The following PPP2R5A variants were observed in gnomAD, a reference collection of about 807,000 sequenced individuals.
The protein encoded by PPP2R5A is serine/threonine-protein phosphatase 2A 56 kDa regulatory subunit alpha isoform.
Under a neutral mutation model 64.2 loss-of-function variants are expected in PPP2R5A, and 25 were observed. The observed-to-expected ratio is 0.39, with a 90% CI of 0.28 to 0.54. The LOEUF (loss-of-function observed/expected upper bound fraction) is 0.54. Ranked by LOEUF, PPP2R5A falls within the 20% of genes least tolerant of loss-of-function variation. The probability of loss-of-function intolerance (pLI) is 0.67; values close to 1 mark genes in which losing one functional copy is unlikely to be tolerated. For synonymous variants in PPP2R5A, 198 were observed against 201.2 expected (o/e 0.98, Z 0.13); for missense variants, 425 against 576.3 (o/e 0.74, Z 2.69).
At chr1:212,357,392 C>A in intron 11 of PPP2R5A, 108 bp downstream of exon 11, 2 of 1,071,610 alleles carry the variant, frequency 1.9e-6, no homozygotes, top group Non-Finnish European at 2.6e-6. Context: ...TTGGAAGTTA[C>A]TCCAAGGTTA....
chr1:212,353,927 G>A lies in PPP2R5A; in HGVS notation c.928-2699G>A, dbSNP rs577274341. Reference sequence around the variant, plus strand: ...GGGCCGGGCGCTGTGGCTCAAGCCTGTAATCCTAGCACTTTGAGAGGCCGA... The same window carrying A: ...GGGCCGGGCGCTGTGGCTCAAGCCTATAATCCTAGCACTTTGAGAGGCCGA... On this transcript the variant is annotated intron_variant, in intron 8 of 12. Coordinates refer to ENST00000261461, the MANE Select transcript of PPP2R5A (RefSeq NM_006243.4). Among the ~76,000 whole-genome samples the A allele has an allele frequency of 1.6e-4, 24 of 152,308 alleles. No homozygotes were observed. In the East Asian group the frequency reaches 4.1e-3, roughly 26 times the overall value.
chr1:212,349,156 A>G lies in PPP2R5A; in HGVS notation c.874-33A>G, dbSNP rs766746225. ...ATCCTACATTATTAAATGTTATCTC[A>G]CTAATATTTATAAACTGTCCCTTAC... On this transcript the variant is annotated intron_variant, in intron 7 of 12. Transcript: ENST00000261461. The G allele has an allele frequency of 7.0e-5, 98 of 1,390,188 alleles. No individual in the cohort carries two copies. In the East Asian group the frequency reaches 2.3e-3, roughly 33 times the overall value. 86.1% of individuals were successfully genotyped at this position (1,390,188 alleles called of 1,614,324 possible). A position where few individuals can be genotyped will look rare whatever the true frequency, so the allele number is the denominator to read the frequency against.
At chr1:212,351,113 AC>A (rs59424512) in intron 8 of PPP2R5A, among the ~76,000 whole-genome samples, 39,391 of 143,524 alleles carry the variant, frequency 0.27, 5,934 homozygotes, top group Non-Finnish European at 0.35. Flanking sequence ...AAAAAAAAAA[AC>A]AAAAAAACAA....
At chr1:212,344,335 A>T (rs2102442102) in intron 4 of PPP2R5A, among the ~76,000 whole-genome samples, 1 of 152,206 alleles carries the variant, frequency 6.6e-6, no homozygotes, top group Middle Eastern at 3.4e-3. Flanking sequence ...AAATTCTCAT[A>T]CTCCGTAGAT....
chr1:212,347,892 A>T (rs1659811653), intron 6 of PPP2R5A, among the ~76,000 whole-genome samples: 1 of 152,092 alleles, frequency 6.6e-6, no homozygotes, highest in South Asian at 2.1e-4. Flanking sequence ...TGCCTTCCTT[A>T]TTCACTACGT....
chr1:212,339,992 T>TAAA (rs67654928), intron 3 of PPP2R5A, among the ~76,000 whole-genome samples: 3,576 of 72,482 alleles, frequency 0.049, 352 homozygotes, highest in East Asian at 0.087. Flanking sequence ...ACATGCTGCT[T>TAAA]AAAAAAAAAA....
At chr1:212,288,427 AAAG>A (rs759610840) in intron 1 of PPP2R5A, among the ~76,000 whole-genome samples, 2 of 152,244 alleles carry the variant, frequency 1.3e-5, no homozygotes, top group Non-Finnish European at 2.9e-5. Context: ...GGTCACTAGT[AAAG>A]AAGAAAGTAA....
rs574183102 is a variant in PPP2R5A at position 212,335,854 on chromosome 1, C to G, written c.480+2256C>G. 7.2e-5 allele frequency among the ~76,000 whole-genome samples: 11 copies of G among 152,192 alleles called. No individual in the cohort carries two copies. In the East Asian group the frequency reaches 2.1e-3, roughly 29 times the overall value. On this transcript the variant is annotated intron_variant, in intron 3 of 12. Transcript: ENST00000261461. Reference sequence around the variant, plus strand: ...GCTGATAATGAAAAATTCTCATTAGCTGATTTTTTAATCAGATGTAGTTGA... The same window carrying G: ...GCTGATAATGAAAAATTCTCATTAGGTGATTTTTTAATCAGATGTAGTTGA...
chr1:212,305,650 T>A (rs1291804688), intron 1 of PPP2R5A, among the ~76,000 whole-genome samples: 1 of 152,186 alleles, frequency 6.6e-6, no homozygotes, highest in Non-Finnish European at 1.5e-5. Context: ...TGTTGAAGGC[T>A]TCAACTATCA....
intron 8 of PPP2R5A, among the ~76,000 whole-genome samples, chr1:212,351,886 A>G (rs1396871301): frequency 6.6e-6 from 1 of 152,076 alleles, no homozygotes; most frequent in Admixed American, 6.5e-5. Flanking sequence ...GCATTTTTAT[A>G]AAACAAGCAA....
At chr1:212,309,338 G>C (rs1305891669) in intron 1 of PPP2R5A, 7 of 1,532,464 alleles carry the variant, frequency 4.6e-6, no homozygotes, top group Non-Finnish European at 6.3e-6. Context: ...CTCTTCCGAG[G>C]ATATTTGGGC....
chr1:212,310,506 C>A (rs1484486061), intron 1 of PPP2R5A, among the ~76,000 whole-genome samples: 1 of 152,136 alleles, frequency 6.6e-6, no homozygotes, highest in Non-Finnish European at 1.5e-5. Context: ...TACTTCTCCC[C>A]CATCCCCCAC....
chr1:212,352,146 C>T (rs1659896253), intron 8 of PPP2R5A, among the ~76,000 whole-genome samples: 1 of 151,762 alleles, frequency 6.6e-6, no homozygotes, highest in Admixed American at 6.6e-5. Context: ...TCCTTAGCCT[C>T]CTGAGTAGCT....
In PPP2R5A at chr1:212,291,272, G is replaced by A. The variant is rs79659293; in HGVS notation, c.181+4981G>A. Among the ~76,000 whole-genome samples, 559 of 152,162 alleles carry A rather than the reference G, an allele frequency of 3.7e-3. 4 individuals are homozygous for A. The highest frequency in any genetic ancestry group is 0.013 in the African/African-American group (538 of 41,514). On this transcript the variant is annotated intron_variant, in intron 1 of 12. Transcript: ENST00000261461. ...TTTTTGTATTTTTAGGAGAGATAGGGGTTTTGCCATGGCTGGTCAGGCTGG... is the reference window on the plus strand; with the variant it reads ...TTTTTGTATTTTTAGGAGAGATAGGAGTTTTGCCATGGCTGGTCAGGCTGG...
At chr1:212,293,140 T>A (rs1040824387) in intron 1 of PPP2R5A, among the ~76,000 whole-genome samples, 1 of 152,188 alleles carries the variant, frequency 6.6e-6, no homozygotes, top group African/African-American at 2.4e-5. Flanking sequence ...GAATTCTGGG[T>A]CCTTAATATC....
chr1:212,287,021 T>C (rs1188893770), intron 1 of PPP2R5A, among the ~76,000 whole-genome samples: 2 of 152,224 alleles, frequency 1.3e-5, no homozygotes, highest in Non-Finnish European at 1.5e-5. Flanking sequence ...TAGTGTTGCT[T>C]TGCAGTCGAA....
chr1:212,287,129 G>C (rs560424427), intron 1 of PPP2R5A, among the ~76,000 whole-genome samples: 28 of 152,236 alleles, frequency 1.8e-4, no homozygotes, highest in Admixed American at 6.5e-4. Flanking sequence ...AGGAGAACTT[G>C]GCACTCTTTT....
At chr1:212,349,782 T>TA (rs1659844288) in intron 8 of PPP2R5A, among the ~76,000 whole-genome samples, 1 of 152,206 alleles carries the variant, frequency 6.6e-6, no homozygotes, top group South Asian at 2.1e-4. Context: ...ATTCTACTGT[T>TA]ATTTGCCTCT....
chr1:212,314,209 A>G (rs1334886974), intron 1 of PPP2R5A, among the ~76,000 whole-genome samples: 1 of 152,208 alleles, frequency 6.6e-6, no homozygotes, highest in African/African-American at 2.4e-5. Flanking sequence ...TCTGTCAGCC[A>G]AAAGCCAGCA....
Sources: allele counts gnomAD v4.1 joint callset (sites outside exome capture counted in the v4.1 genomes callset), GRCh38; gene constraint gnomAD v4.1.1; transcripts MANE v1.5; gene names NCBI Gene and HGNC (gene_info 2026-07-23, HGNC 2026-07-21).